Variants in PCDHGB7 observed in about 807,000 individuals in gnomAD.
PCDHGB7 encodes protocadherin gamma-B7.
Under a neutral mutation model 61.4 loss-of-function variants are expected in PCDHGB7, and 37 were observed. That is an observed-to-expected ratio of 0.60 (90% CI 0.46 to 0.79). PCDHGB7 has a LOEUF of 0.79. PCDHGB7 is among the 30% of genes least tolerant of loss of function. The pLI is 0.00. For synonymous variants in PCDHGB7, 464 were observed against 503.5 expected, an observed-to-expected ratio of 0.92 and a Z score of 1.05; for missense variants, 1,166 against 1,202.5, an observed-to-expected ratio of 0.97 and a Z score of 0.45.
At chr5:141,483,584 T>C (rs2099583159) in intron 1 of PCDHGB7, among the ~76,000 whole-genome samples, 1 of 152,064 alleles carries the variant, frequency 6.6e-6, no homozygotes, top group African/African-American at 2.4e-5. Context: ...CATAAACACC[T>C]AATAGGTCAG....
chr5:141,431,355 C>T lies in PCDHGB7; in HGVS notation c.2415+11081C>T. 1 of 1,614,054 alleles carries T rather than the reference C, an allele frequency of 6.2e-7. No homozygotes were observed. Among genetic ancestry groups the T allele is most frequent in the South Asian group, 1.1e-5 (1 of 91,082 alleles). ...TACCCCGAATTGGTGCTGAAACGCG[C>T]CCTGGACCGCGAAGAAAAGGCTGCT... On this transcript the variant is annotated intron_variant, in intron 1 of 3. Transcript: ENST00000398594. The surrounding 1 kb of genome is among the most constrained non-coding windows in gnomAD (Gnocchi z 4.8).
At chr5:141,470,201 G>C (rs2154570565) in intron 1 of PCDHGB7, among the ~76,000 whole-genome samples, 1 of 152,274 alleles carries the variant, frequency 6.6e-6, no homozygotes, top group Non-Finnish European at 1.5e-5. Flanking sequence ...AGATAAATAT[G>C]AAGGCTAAAC....
In PCDHGB7 at chr5:141,476,978, C is replaced by G; in HGVS notation, c.2416-17829C>G. 1.2e-6 allele frequency: 2 copies of G among 1,614,256 alleles called. No individual in the cohort carries two copies. Among genetic ancestry groups the G allele is most frequent in the Non-Finnish European group, 1.7e-6 (2 of 1,180,058 alleles). Reference sequence around the variant, plus strand: ...TATTTACTCCTTCGGCAGCCACAACCGCGCCGGCGTGCGGCAACTATTCGC... The same window carrying G: ...TATTTACTCCTTCGGCAGCCACAACGGCGCCGGCGTGCGGCAACTATTCGC... On this transcript the variant is annotated intron_variant, in intron 1 of 3. Transcript: ENST00000398594. This position sits in a 1 kb window ranked among gnomAD's most constrained non-coding sequence, Gnocchi z 7.6.
In PCDHGB7 at chr5:141,432,212, G is replaced by T. The variant is rs2097468822; in HGVS notation, c.2415+11938G>T. 8 of 1,614,184 alleles carry T rather than the reference G, an allele frequency of 5.0e-6. No homozygotes were observed. In the East Asian group the frequency reaches 1.3e-4, roughly 27 times the overall value. ...CCACGACCCCGACTGTGAAGAGAAC[G>T]CCCAGATCACTTATTCCCTGGCTGA... On this transcript the variant is annotated intron_variant, in intron 1 of 3. Transcript: ENST00000398594. The surrounding 1 kb of genome is among the most constrained non-coding windows in gnomAD (Gnocchi z 6.0).
In PCDHGB7 at chr5:141,453,631, T is replaced by C. The variant is rs114710858; in HGVS notation, c.2415+33357T>C. On this transcript the variant is annotated intron_variant, in intron 1 of 3. Transcript: ENST00000398594. ...AACGCAAAAACAAAACCTATACATATTTATATTTTCTTATGTCCTCTTCTT... is the reference window on the plus strand; with the variant it reads ...AACGCAAAAACAAAACCTATACATACTTATATTTTCTTATGTCCTCTTCTT... Among the ~76,000 whole-genome samples the C allele has an allele frequency of 8.2e-3, 1,249 of 152,332 alleles. 7 individuals are homozygous for C. Among genetic ancestry groups the C allele is most frequent in the Non-Finnish European group, 0.013 (893 of 68,030 alleles).
At chr5:141,441,747 G>A in intron 1 of PCDHGB7, 2 of 372,470 alleles carry the variant, frequency 5.4e-6, no homozygotes, top group Non-Finnish European at 5.4e-6. Flanking sequence ...CGCGCTCGGC[G>A]TCAACGTGAG....
chr5:141,422,131 G>T (rs747294750), intron 1 of PCDHGB7: 3 of 1,598,182 alleles, frequency 1.9e-6, no homozygotes, highest in Non-Finnish European at 2.6e-6. Context: ...AACTGGAGAA[G>T]TTCAAGTACG....
At chr5:141,471,185 A>G (rs58340688) in intron 1 of PCDHGB7, 16,257 of 151,174 alleles carry the variant, frequency 0.11, 890 homozygotes, top group South Asian at 0.15. Context: ...TAGTAGCTGG[A>G]ATTACAGGCA....
rs964965013 is a variant in PCDHGB7 at position 141,489,097 on chromosome 5, C to G, written c.2416-5710C>G. The G allele has an allele frequency of 6.4e-6, 2 of 313,448 alleles. No homozygotes were observed. The highest frequency in any genetic ancestry group is 1.1e-4 in the South Asian group (2 of 18,596). 19.4% of individuals were successfully genotyped at this position (313,448 alleles called of 1,614,324 possible). The stretch of plus-strand genomic sequence containing the variant: ...ACCCCCGCCACTCGGTGACTAAGAA[C>G]TGCTGCAAGCAGGCAAACCTCCGAG... On this transcript the variant is annotated intron_variant, in intron 1 of 3. Coordinates refer to ENST00000398594, the MANE Select transcript of PCDHGB7 (RefSeq NM_018927.4). This position sits in a 1 kb window ranked among gnomAD's most constrained non-coding sequence, Gnocchi z 4.5.
chr5:141,477,569 G>A lies in PCDHGB7; in HGVS notation c.2416-17238G>A. The A allele has an allele frequency of 6.2e-7, 1 of 1,614,104 alleles. No homozygotes were observed. Among genetic ancestry groups the A allele is most frequent in the Non-Finnish European group, 8.5e-7 (1 of 1,180,024 alleles). On this transcript the variant is annotated intron_variant, in intron 1 of 3. Coordinates refer to ENST00000398594, the MANE Select transcript of PCDHGB7 (RefSeq NM_018927.4). This position sits in a 1 kb window ranked among gnomAD's most constrained non-coding sequence, Gnocchi z 4.9. ...ACTAAACCTAAGTGTCTGGGACCCC[G>A]ACGCCCCGCAGAATGCTCGGCTTTC...
chr5:141,497,385 C>T (rs2154592097), intron 2 of PCDHGB7, among the ~76,000 whole-genome samples: 1 of 152,212 alleles, frequency 6.6e-6, no homozygotes, highest in African/African-American at 2.4e-5. Flanking sequence ...GGGGTGAGCA[C>T]CTTACCCCTG....
At chr5:141,474,323 C>T (rs1176074252) in intron 1 of PCDHGB7, among the ~76,000 whole-genome samples, 2 of 152,186 alleles carry the variant, frequency 1.3e-5, no homozygotes, top group Non-Finnish European at 2.9e-5. Context: ...GTTTTCAAAT[C>T]ACCCTGATGT....
At chr5:141,428,358 G>A in intron 1 of PCDHGB7, 2 of 565,492 alleles carry the variant, frequency 3.5e-6, no homozygotes, top group South Asian at 1.9e-5. Context: ...TGATTTTGGC[G>A]GTCGCCTTGC....
Position 141,470,005 on chromosome 5 carries a change from T to A in PCDHGB7, c.2416-24802T>A, listed in dbSNP as rs189976589. Reference sequence around the variant, plus strand: ...AATTAGCTGGTCGTCGTGGCACGCCTGTAATCCCAGCTACTCGGGATGCTG... The same window carrying A: ...AATTAGCTGGTCGTCGTGGCACGCCAGTAATCCCAGCTACTCGGGATGCTG... On this transcript the variant is annotated intron_variant, in intron 1 of 3. Coordinates refer to ENST00000398594, the MANE Select transcript of PCDHGB7 (RefSeq NM_018927.4). 2.4e-4 allele frequency among the ~76,000 whole-genome samples: 37 copies of A among 152,254 alleles called. 2 individuals carry two copies. The highest frequency in any genetic ancestry group is 7.2e-4 in the Admixed American group (11 of 15,274).
In PCDHGB7 at chr5:141,511,555, C is replaced by T; in HGVS notation, c.*382C>T. 1 of 305,302 alleles carries T rather than the reference C, an allele frequency of 3.3e-6. No individual in the cohort carries two copies. Among genetic ancestry groups the T allele is most frequent in the South Asian group, 3.6e-5 (1 of 28,078 alleles). 18.9% of individuals were successfully genotyped at this position (305,302 alleles called of 1,614,324 possible). ...CCTCCCCACCCCACTCCAACAGTTC[C>T]TCTTTCCCGAGTAAGGTGGTTGGGG... On this transcript the variant is annotated 3_prime_UTR_variant, in exon 4 of 4. Coordinates refer to ENST00000398594, the MANE Select transcript of PCDHGB7 (RefSeq NM_018927.4).
At chr5:141,453,351 C>A (rs1210851703) in intron 1 of PCDHGB7, among the ~76,000 whole-genome samples, 2 of 151,738 alleles carry the variant, frequency 1.3e-5, no homozygotes, top group Non-Finnish European at 2.9e-5. Flanking sequence ...CCAGGCTGAC[C>A]CTGAACTCCT....
At chr5:141,468,194 G>A (rs959390749) in intron 1 of PCDHGB7, among the ~76,000 whole-genome samples, 21 of 151,716 alleles carry the variant, frequency 1.4e-4, no homozygotes, top group South Asian at 2.1e-4. Flanking sequence ...GCATGGTGGC[G>A]GGTGCCTGTA....
intron 3 of PCDHGB7, 31 bp downstream of exon 3, chr5:141,505,512 T>C (rs754223095): frequency 6.2e-7 from 1 of 1,613,676 alleles, no homozygotes; most frequent in South Asian, 1.1e-5. Context: ...TATGGAAGAG[T>C]GGGAGACCTG....
rs773893751 is a variant in PCDHGB7 at position 141,431,903 on chromosome 5, G to A, written c.2415+11629G>A. 2 of 1,613,916 alleles carry A rather than the reference G, an allele frequency of 1.2e-6. No individual in the cohort carries two copies. Among genetic ancestry groups the A allele is most frequent in the South Asian group, 2.2e-5 (2 of 91,080 alleles). ...CCAAGATTCTGAGGAAAACGGACAG[G>A]TGATCTGTTTCATCCAAGGAAATCT... On this transcript the variant is annotated intron_variant, in intron 1 of 3. Transcript: ENST00000398594. The surrounding 1 kb of genome is among the most constrained non-coding windows in gnomAD (Gnocchi z 4.8).
Sources: allele counts gnomAD v4.1 joint callset (sites outside exome capture counted in the v4.1 genomes callset), GRCh38; gene constraint gnomAD v4.1.1; non-coding constraint Gnocchi (gnomAD v3.1); transcripts MANE v1.5; gene names NCBI Gene and HGNC (gene_info 2026-07-23, HGNC 2026-07-21).